Variants in CNTN5 observed in about 807,000 individuals in gnomAD.
CNTN5 encodes contactin-5.
A neutral mutation model predicts 129.1 loss-of-function variants in CNTN5; 77 were observed. That is an observed-to-expected ratio of 0.60 (90% CI 0.50 to 0.72). CNTN5 has a LOEUF of 0.72. Ranked by LOEUF, CNTN5 falls within the 30% of genes least tolerant of loss-of-function variation. The pLI is 0.00. For synonymous variants in CNTN5, 509 were observed against 465.6 expected, an observed-to-expected ratio of 1.09 and a Z score of -1.20; for missense variants, 1,478 against 1,328.8, an observed-to-expected ratio of 1.11 and a Z score of -1.75.
rs1033218868 is a variant in CNTN5, at chr11:99,375,067, C to G, written c.-71+49583C>G. Among the ~76,000 whole-genome samples, 3 of 152,036 alleles carry G rather than the reference C, an allele frequency of 2.0e-5. No homozygotes were observed. The South Asian group carries it at 6.2e-4, about 32-fold the overall frequency. On this transcript the variant is annotated intron_variant, in intron 2 of 24. Transcript: ENST00000524871. ...CCTGTAATCCCAGCCCTTTGGGATG[C>G]CAAGGCGGGTGGATCACTTGAGGTC...
At chr11:99,132,767 A>T (rs1478251965) in intron 1 of CNTN5, among the ~76,000 whole-genome samples, 1 of 152,222 alleles carries the variant, frequency 6.6e-6, no homozygotes, top group African/African-American at 2.4e-5. Context: ...ACACAAGTAG[A>T]TGGAGAAACA....
chr11:99,398,340 G>A (rs1435524186), intron 2 of CNTN5, among the ~76,000 whole-genome samples: 3 of 151,714 alleles, frequency 2.0e-5, no homozygotes, highest in Admixed American at 6.6e-5. Context: ...CTGTTCGTCT[G>A]TCCTATTCTG....
chr11:100,184,966 T>G (rs1348099171), intron 13 of CNTN5, among the ~76,000 whole-genome samples: 1 of 151,882 alleles, frequency 6.6e-6, no homozygotes. Flanking sequence ...TGAGTTCTCA[T>G]GAGGACTGAT....
At chr11:100,043,260 C>T (rs927638932) in intron 9 of CNTN5, among the ~76,000 whole-genome samples, 6 of 152,278 alleles carry the variant, frequency 3.9e-5, no homozygotes, top group South Asian at 2.1e-4. Context: ...TATATAAATG[C>T]ATATGGCATA....
intron 7 of CNTN5, among the ~76,000 whole-genome samples, chr11:99,943,593 C>T (rs1373110700): frequency 6.6e-6 from 1 of 152,090 alleles, no homozygotes; most frequent in East Asian, 1.9e-4. Context: ...ATGTTTCAGT[C>T]ATGAAGTCTT....
intron 1 of CNTN5, among the ~76,000 whole-genome samples, chr11:99,137,181 T>C (rs1177962153): frequency 1.3e-5 from 2 of 152,196 alleles, no homozygotes; most frequent in Non-Finnish European, 2.9e-5. Context: ...GCATACTTTG[T>C]GTGTTTAAAC....
intron 2 of CNTN5, among the ~76,000 whole-genome samples, chr11:99,400,514 G>C (rs1941748404): frequency 6.6e-6 from 1 of 151,974 alleles, no homozygotes; most frequent in African/African-American, 2.4e-5. Flanking sequence ...TGTTGATGGC[G>C]ATTGTGAACA....
chr11:99,041,525 T>C (rs1013081239), intron 1 of CNTN5, among the ~76,000 whole-genome samples: 13 of 152,224 alleles, frequency 8.5e-5, no homozygotes, highest in African/African-American at 3.1e-4. Context: ...TAGTAGTTAC[T>C]TGCAAGTAGA....
chr11:100,340,583 A>T lies in CNTN5; in HGVS notation c.2851A>T (p.Arg951Trp). The change falls in exon 22 of 25, where the codon AGG (arginine) becomes TGG (tryptophan). Residue 951 changes from arginine (R) to tryptophan (W), a missense_variant. Arg to Trp is a moderately radical substitution (Grantham distance 101). Transcript: ENST00000524871. ...AAATACGTTATATCACTTCACAGTG[A>T]GGGCTTACAATGGAGCTGGATATGG... ...EGNTLYHFTV[R>W]AYNGAGYGPP... 1 of 1,613,498 alleles carries T rather than the reference A, an allele frequency of 6.2e-7. No individual in the cohort carries two copies. The highest frequency in any genetic ancestry group is 8.5e-7 in the Non-Finnish European group (1 of 1,179,670).
At chr11:99,336,174 A>G (rs1294463274) in intron 2 of CNTN5, among the ~76,000 whole-genome samples, 2 of 152,226 alleles carry the variant, frequency 1.3e-5, no homozygotes, top group Admixed American at 6.5e-5. Flanking sequence ...AGGAAAGTTC[A>G]GTCAAAAATA....
intron 1 of CNTN5, among the ~76,000 whole-genome samples, chr11:99,024,588 T>TA (rs1863027864): frequency 6.6e-6 from 1 of 152,080 alleles, no homozygotes; most frequent in African/African-American, 2.4e-5. Flanking sequence ...CCCCATAAAT[T>TA]AAAACACACG....
intron 13 of CNTN5, among the ~76,000 whole-genome samples, chr11:100,120,385 T>C (rs1278030714): frequency 6.6e-6 from 1 of 151,976 alleles, no homozygotes; most frequent in African/African-American, 2.4e-5. Flanking sequence ...GTCTACTTAG[T>C]GACTCTTTTT....
intron 1 of CNTN5, among the ~76,000 whole-genome samples, chr11:99,033,476 T>C (rs1863513430): frequency 6.6e-6 from 1 of 152,180 alleles, no homozygotes. Context: ...CTTGAAGAGG[T>C]CCTTCACATC....
intron 8 of CNTN5, among the ~76,000 whole-genome samples, chr11:100,001,063 C>T (rs1182366638): frequency 2.0e-5 from 3 of 152,166 alleles, no homozygotes; most frequent in South Asian, 2.1e-4. Flanking sequence ...TCCATGGAGA[C>T]ATTTTTCCCA....
At chr11:99,398,935 C>A (rs914316561) in intron 2 of CNTN5, among the ~76,000 whole-genome samples, 3 of 151,970 alleles carry the variant, frequency 2.0e-5, no homozygotes, top group African/African-American at 7.2e-5. Context: ...GCCACCTTCA[C>A]CCCACTTAAC....
At chr11:99,733,254 G>A (rs1166622941) in intron 3 of CNTN5, among the ~76,000 whole-genome samples, 1 of 151,154 alleles carries the variant, frequency 6.6e-6, no homozygotes, top group African/African-American at 2.4e-5. Context: ...CCTGGGAGGC[G>A]GAGGTTGCAG....
intron 1 of CNTN5, among the ~76,000 whole-genome samples, chr11:99,258,548 CAA>C (rs1862483340): frequency 6.6e-6 from 1 of 151,870 alleles, no homozygotes; most frequent in African/African-American, 2.4e-5. Context: ...TCCATTTACA[CAA>C]GTTAAAAAAT....
chr11:99,403,523 G>A (rs1313764187), intron 2 of CNTN5, among the ~76,000 whole-genome samples: 1 of 151,998 alleles, frequency 6.6e-6, no homozygotes, highest in South Asian at 2.1e-4. Flanking sequence ...TGCTGCTTTT[G>A]CTCTGTCCCA....
chr11:99,455,495 A>C (rs1461484830), intron 2 of CNTN5, among the ~76,000 whole-genome samples: 1 of 152,146 alleles, frequency 6.6e-6, no homozygotes, highest in East Asian at 1.9e-4. Context: ...ATAAACAAGT[A>C]TGCCTGGGGC....
Sources: gnomAD v4.1 joint callset for allele counts (sites outside exome capture counted in the v4.1 genomes callset) on GRCh38, gnomAD v4.1.1 for gene constraint, MANE v1.5 for transcripts, NCBI Gene and HGNC (gene_info 2026-07-23, HGNC 2026-07-21) for gene names.